The following COMT variants were observed in gnomAD, a reference collection of about 807,000 sequenced individuals.
COMT encodes the protein catechol-O-methyltransferase, also known as catechol O-methyltransferase.
A neutral mutation model predicts 18.9 loss-of-function variants in COMT; 13 were observed. The observed-to-expected ratio is 0.69, with a 90% CI of 0.45 to 1.09. The LOEUF (loss-of-function observed/expected upper bound fraction) is 1.09, where lower values mean the gene tolerates loss of function less well. COMT is among the 50% of genes least tolerant of loss of function. The probability of loss-of-function intolerance (pLI) is 0.00; values close to 1 mark genes in which losing one functional copy is unlikely to be tolerated. For missense variants in COMT, 329 were observed against 361.8 expected (o/e 0.91, Z 0.73); for synonymous variants, 150 against 160.9 (o/e 0.93, Z 0.51).
chr22:19,942,163 G>A (rs556231205), intron 1 of COMT, among the ~76,000 whole-genome samples: 25 of 152,292 alleles, frequency 1.6e-4, no homozygotes, highest in Non-Finnish European at 2.1e-4. Flanking sequence ...GTGATGAGGG[G>A]CTCCAGATAG....
At chr22:19,944,345 G>A (rs1238230351) in intron 1 of COMT, among the ~76,000 whole-genome samples, 1 of 152,074 alleles carries the variant, frequency 6.6e-6, no homozygotes, top group African/African-American at 2.4e-5. Flanking sequence ...CCAGAAGTTC[G>A]AGACCAGCCT....
At chr22:19,963,966 C>A (rs1326678626) in intron 4 of COMT, 6 of 1,218,166 alleles carry the variant, frequency 4.9e-6, no homozygotes, top group Non-Finnish European at 7.1e-6. Context: ...GGGTAAACTG[C>A]CAAGGTGGCA....
chr22:19,945,211 G>A (rs1941816841), intron 1 of COMT, among the ~76,000 whole-genome samples: 1 of 152,136 alleles, frequency 6.6e-6, no homozygotes, highest in African/African-American at 2.4e-5. Flanking sequence ...TCTTCTCGAG[G>A]TCCCTGAAAT....
intron 5 of COMT, chr22:19,966,959 C>G: frequency 1.0e-6 from 1 of 985,442 alleles, no homozygotes. Context: ...CAGTCCTGCT[C>G]AGACGCTGAT....
At chr22:19,948,660 TA>T (rs971125562) in intron 1 of COMT, among the ~76,000 whole-genome samples, 9 of 151,152 alleles carry the variant, frequency 6.0e-5, no homozygotes, top group Admixed American at 3.3e-4. Context: ...ACTCTGTCAC[TA>T]AAAAAAATTT....
At chr22:19,945,751 C>T (rs1211896989) in intron 1 of COMT, among the ~76,000 whole-genome samples, 4 of 152,060 alleles carry the variant, frequency 2.6e-5, no homozygotes, top group Non-Finnish European at 4.4e-5. Flanking sequence ...CTGCAAGCTC[C>T]GCCTCCTGGG....
chr22:19,955,057 C>G (rs1260789345), intron 1 of COMT, among the ~76,000 whole-genome samples: 4 of 152,162 alleles, frequency 2.6e-5, no homozygotes, highest in Non-Finnish European at 5.9e-5. Context: ...CCAGGATGGA[C>G]GACATGGTGC....
intron 5 of COMT, 112 bp downstream of exon 5, chr22:19,964,411 C>T: frequency 6.7e-7 from 1 of 1,487,222 alleles, no homozygotes; most frequent in Non-Finnish European, 9.3e-7. Flanking sequence ...GTGGACACAG[C>T]TCGCTCTGGA....
At chr22:19,952,748 C>T (rs1331757565) in intron 1 of COMT, among the ~76,000 whole-genome samples, 1 of 151,516 alleles carries the variant, frequency 6.6e-6, no homozygotes, top group Non-Finnish European at 1.5e-5. Context: ...GTCAGGAGTT[C>T]AAGACCAGCC....
Position 19,946,910 on chromosome 22 carries a change from G to GGTTTTTTTTTTTT in COMT, c.-92+5013_-92+5014insGTTTTTTTTTTTT, listed in dbSNP as rs763607822. Among the ~76,000 whole-genome samples, 2 of 117,120 alleles carry GGTTTTTTTTTTTT rather than the reference G, an allele frequency of 1.7e-5. 1 individual carries two copies. 76.8% of individuals were successfully genotyped at this position (117,120 alleles called of 152,430 possible). ...TAGCATTAAAAAAAATTTTTTTTTA[G>GGTTTTTTTTTTTT]TTTTTTTTTTTTTTTTTTTTTTTGA... On this transcript the variant is annotated intron_variant, in intron 1 of 5. Transcript: ENST00000361682.
chr22:19,943,218 T>A (rs1273509802), intron 1 of COMT, among the ~76,000 whole-genome samples: 1 of 152,232 alleles, frequency 6.6e-6, no homozygotes, highest in African/African-American at 2.4e-5. Flanking sequence ...AGAGACCTGC[T>A]TCTTTCCTCT....
chr22:19,964,602 G>T, intron 5 of COMT: 1 of 605,920 alleles, frequency 1.7e-6, no homozygotes, highest in East Asian at 2.7e-5. Context: ...AGACACCAGG[G>T]CAGAAACGGC....
At chr22:19,962,307 G>T in intron 2 of COMT, 1 of 702,486 alleles carries the variant, frequency 1.4e-6, no homozygotes, top group Non-Finnish European at 2.3e-6. Flanking sequence ...AGGACTGCCA[G>T]AGGCACACAC....
At chr22:19,942,996 C>T (rs989921802) in intron 1 of COMT, among the ~76,000 whole-genome samples, 1 of 152,202 alleles carries the variant, frequency 6.6e-6, no homozygotes, top group Admixed American at 6.5e-5. Flanking sequence ...ACAGGAAATT[C>T]TTGTGGCAGC....
rs927616532 is a variant in COMT at position 19,963,441 on chromosome 22, G to A, written c.290-125G>A. ...CGGGTAGGGAGGGTGGGCAGAGGAG[G>A]GCCAGCGGCCAGGCATTTGGGAGGG... On this transcript the variant is annotated intron_variant, in intron 3 of 5. Coordinates refer to ENST00000361682, the MANE Select transcript of COMT (RefSeq NM_000754.4). 3.3e-5 allele frequency: 37 copies of A among 1,118,760 alleles called. No individual in the cohort carries two copies. In the East Asian group the frequency reaches 7.2e-4, roughly 22 times the overall value. 69.3% of individuals were successfully genotyped at this position (1,118,760 alleles called of 1,614,324 possible).
intron 1 of COMT, among the ~76,000 whole-genome samples, chr22:19,944,312 C>T (rs143335157): frequency 1.1e-4 from 17 of 152,198 alleles, no homozygotes; most frequent in South Asian, 2.1e-4. Flanking sequence ...TTCGGGAGGC[C>T]GAGGTGGGCA....
intron 1 of COMT, among the ~76,000 whole-genome samples, chr22:19,943,729 T>G (rs910733106): frequency 1.3e-5 from 2 of 151,942 alleles, no homozygotes; most frequent in Non-Finnish European, 2.9e-5. Context: ...AAACCCAGTT[T>G]TTGAGCCTAC....
At chr22:19,967,642 G>T in intron 5 of COMT, 2 of 305,988 alleles carry the variant, frequency 6.5e-6, no homozygotes, top group Non-Finnish European at 1.3e-5. Flanking sequence ...TCGGATACCA[G>T]TGTTTCAAGG....
rs1185045521 is a variant in COMT at position 19,941,852 on chromosome 22, G to T, written c.-137G>T. On this transcript the variant is annotated 5_prime_UTR_variant, in exon 1 of 6. Transcript: ENST00000361682. ...TAGGGCTGCCCGCCGCGCTGCCTGC[G>T]CCGGACCGGGGCGGGTCCAGTCCCG... 2.0e-6 allele frequency: 3 copies of T among 1,467,462 alleles called. No homozygotes were observed. The highest frequency in any genetic ancestry group is 2.4e-5 in the Admixed American group (1 of 40,922). 90.9% of individuals were successfully genotyped at this position (1,467,462 alleles called of 1,614,324 possible).
Sources: allele counts gnomAD v4.1 joint callset (sites outside exome capture counted in the v4.1 genomes callset), GRCh38; gene constraint gnomAD v4.1.1; transcripts MANE v1.5; gene names NCBI Gene and HGNC (gene_info 2026-07-23, HGNC 2026-07-21).